The following MAGI2 variants were observed in gnomAD, a reference collection of about 807,000 sequenced individuals.
MAGI2 encodes the protein membrane associated guanylate kinase, WW and PDZ domain containing 2.
Under a neutral mutation model 133.3 loss-of-function variants are expected in MAGI2, and 35 were observed. The ratio of observed to expected loss-of-function variants is 0.26; its 90% CI spans 0.20 to 0.35. MAGI2 has a LOEUF of 0.35. MAGI2 is among the 10% of genes least tolerant of loss of function. MAGI2 has a pLI of 1.00. For synonymous variants in MAGI2, 729 were observed against 710.6 expected, an observed-to-expected ratio of 1.03 and a Z score of -0.41; for missense variants, 1,636 against 1,863.4, an observed-to-expected ratio of 0.88 and a Z score of 2.25.
Position 78,306,174 on chromosome 7 carries a change from T to C in MAGI2, c.1408+37604A>G, listed in dbSNP as rs2151084701. Among the ~76,000 whole-genome samples, 3 of 152,288 alleles carry C rather than the reference T, an allele frequency of 2.0e-5. No homozygotes were observed. The Middle Eastern group carries it at 0.01, about 518-fold the overall frequency. ...ATCAAAGACTTGAAAGGCTTCTTCTTAGTTAATTGAAAGGCTAATTGGCAG... is the reference window on the plus strand; with the variant it reads ...ATCAAAGACTTGAAAGGCTTCTTCTCAGTTAATTGAAAGGCTAATTGGCAG... On this transcript the variant is annotated intron_variant, in intron 9 of 21. Transcript: ENST00000354212.
intron 1 of MAGI2, among the ~76,000 whole-genome samples, chr7:79,313,517 A>G (rs924821247): frequency 6.6e-6 from 1 of 152,116 alleles, no homozygotes; most frequent in Non-Finnish European, 1.5e-5. Context: ...ATCTCCAACT[A>G]TACATGATAC....
intron 2 of MAGI2, among the ~76,000 whole-genome samples, chr7:78,911,682 ATT>A (rs1009082004): frequency 7.2e-6 from 1 of 139,352 alleles, no homozygotes; most frequent in African/African-American, 2.8e-5. Flanking sequence ...ATATATATAT[ATT>A]TTGTTATAAT....
intron 1 of MAGI2, among the ~76,000 whole-genome samples, chr7:79,158,966 C>A (rs931049927): frequency 6.6e-6 from 1 of 151,754 alleles, no homozygotes; most frequent in African/African-American, 2.4e-5. Flanking sequence ...AGGTTTTATA[C>A]CTTTTACCTT....
At chr7:78,568,655 C>T (rs1014556801) in intron 3 of MAGI2, among the ~76,000 whole-genome samples, 5 of 152,224 alleles carry the variant, frequency 3.3e-5, no homozygotes, top group Non-Finnish European at 7.3e-5. Flanking sequence ...ACGACTGCTT[C>T]CTCGCCAGTC....
intron 9 of MAGI2, among the ~76,000 whole-genome samples, chr7:78,269,343 T>A (rs915274488): frequency 6.6e-6 from 1 of 152,216 alleles, no homozygotes; most frequent in African/African-American, 2.4e-5. Flanking sequence ...TAGTTCTAGA[T>A]CCTTGAGGGA....
intron 1 of MAGI2, among the ~76,000 whole-genome samples, chr7:79,216,168 A>C (rs1377973121): frequency 6.6e-6 from 1 of 151,986 alleles, no homozygotes; most frequent in Admixed American, 6.5e-5. Context: ...GAAGGAGAGA[A>C]GAGATGGAAT....
intron 10 of MAGI2, among the ~76,000 whole-genome samples, chr7:78,215,860 G>T (rs967455195): frequency 1.3e-5 from 2 of 152,210 alleles, no homozygotes; most frequent in Admixed American, 1.3e-4. Flanking sequence ...CAGATGTAAA[G>T]TGCCTTTGGT....
At chr7:79,020,277 A>G (rs969220453) in intron 1 of MAGI2, among the ~76,000 whole-genome samples, 6 of 152,244 alleles carry the variant, frequency 3.9e-5, no homozygotes, top group African/African-American at 1.4e-4. Context: ...GCAGCAAAGC[A>G]TTCAACATGT....
At chr7:79,422,240 G>A (rs1365340523) in intron 1 of MAGI2, among the ~76,000 whole-genome samples, 1 of 151,976 alleles carries the variant, frequency 6.6e-6, no homozygotes, top group Non-Finnish European at 1.5e-5. Context: ...GCTCCACTCT[G>A]TCAAGCAAAT....
intron 2 of MAGI2, among the ~76,000 whole-genome samples, chr7:78,997,001 A>G (rs1282076734): frequency 1.3e-5 from 2 of 152,186 alleles, no homozygotes; most frequent in Non-Finnish European, 2.9e-5. Flanking sequence ...TTAAAAAATG[A>G]CAAGGTAAAT....
rs1586044884 is a variant in MAGI2, at chr7:79,453,600, G to A, written c.-280C>T. On this transcript the variant is annotated 5_prime_UTR_variant, in exon 1 of 22. Coordinates refer to ENST00000354212, the MANE Select transcript of MAGI2 (RefSeq NM_012301.4). ...GTGGCCCCGCAGCAGAGGAAGCAGT[G>A]GTGGTGGCGTCGGCGGCGGCGGCGG... 1 of 1,152,246 alleles carries A rather than the reference G, an allele frequency of 8.7e-7. No homozygotes were observed. Among genetic ancestry groups the A allele is most frequent in the Non-Finnish European group, 1.1e-6 (1 of 935,746 alleles). 71.4% of individuals were successfully genotyped at this position (1,152,246 alleles called of 1,614,324 possible).
chr7:79,375,266 G>C (rs1321249483), intron 1 of MAGI2, among the ~76,000 whole-genome samples: 1 of 151,922 alleles, frequency 6.6e-6, no homozygotes, highest in Non-Finnish European at 1.5e-5. Flanking sequence ...CCATCAGAAA[G>C]ATTTTGGCAT....
At chr7:78,817,448 T>C (rs564673034) in intron 2 of MAGI2, among the ~76,000 whole-genome samples, 1 of 152,274 alleles carries the variant, frequency 6.6e-6, no homozygotes, top group South Asian at 2.1e-4. Flanking sequence ...AGAAATCTGT[T>C]GTGAAAGAAA....
intron 2 of MAGI2, among the ~76,000 whole-genome samples, chr7:78,827,613 GAAAC>G (rs1790778224): frequency 6.6e-6 from 1 of 152,012 alleles, no homozygotes; most frequent in African/African-American, 2.4e-5. Context: ...TAGAACTCTA[GAAAC>G]ATATAAGATG....
intron 1 of MAGI2, among the ~76,000 whole-genome samples, chr7:79,031,519 C>T (rs1445791439): frequency 2.0e-5 from 3 of 152,078 alleles, no homozygotes; most frequent in Non-Finnish European, 4.4e-5. Flanking sequence ...GCTTAATAAG[C>T]TGCATGACAT....
At chr7:78,333,532 A>C (rs1003926879) in intron 9 of MAGI2, among the ~76,000 whole-genome samples, 2 of 152,234 alleles carry the variant, frequency 1.3e-5, no homozygotes, top group African/African-American at 4.8e-5. Flanking sequence ...GGTTTTAGGA[A>C]TTGACAGACC....
At chr7:78,243,224 TACACACACACAC>T (rs539437959) in intron 10 of MAGI2, among the ~76,000 whole-genome samples, 2 of 140,816 alleles carry the variant, frequency 1.4e-5, no homozygotes, top group Admixed American at 7.1e-5. Flanking sequence ...ATGGTTCAGA[TACACACACACAC>T]ACACACACAC....
intron 1 of MAGI2, among the ~76,000 whole-genome samples, chr7:79,342,160 A>T (rs1408956393): frequency 1.3e-5 from 2 of 152,230 alleles, no homozygotes; most frequent in African/African-American, 4.8e-5. Context: ...TGATACATTT[A>T]AGAGTGTTGT....
intron 21 of MAGI2, among the ~76,000 whole-genome samples, chr7:78,045,363 A>T (rs1006226314): frequency 1.3e-5 from 2 of 152,084 alleles, no homozygotes; most frequent in Admixed American, 1.3e-4. Context: ...ACACTGGGTG[A>T]CCTATCCATA....
Sources: gnomAD v4.1 joint callset for allele counts (sites outside exome capture counted in the v4.1 genomes callset) on GRCh38, gnomAD v4.1.1 for gene constraint, MANE v1.5 for transcripts, NCBI Gene and HGNC (gene_info 2026-07-23, HGNC 2026-07-21) for gene names.